DROSHA: variants seen among roughly 807,000 people sequenced by gnomAD.
DROSHA encodes the protein ribonuclease 3.
DROSHA carries 56 observed loss-of-function variants against 181.9 expected under a neutral mutation model. That is an observed-to-expected ratio of 0.31 (90% CI 0.25 to 0.38). The LOEUF is 0.38. DROSHA is among the 10% of genes least tolerant of loss of function. DROSHA has a pLI of 1.00. For synonymous variants in DROSHA, 524 were observed against 591.2 expected (o/e 0.89, Z 1.65); for missense variants, 1,218 against 1,743.5 (o/e 0.70, Z 5.37).
chr5:31,522,692 C>T (rs1740029542), intron 5 of DROSHA, among the ~76,000 whole-genome samples: 1 of 152,124 alleles, frequency 6.6e-6, no homozygotes, highest in African/African-American at 2.4e-5. Context: ...GGTAGTTCTC[C>T]AGTAGCTACA....
intron 7 of DROSHA, 87 bp downstream of exon 7, chr5:31,515,367 C>A: frequency 9.6e-7 from 1 of 1,046,154 alleles, no homozygotes; most frequent in South Asian, 1.6e-5. Context: ...CAGTGACTCC[C>A]AAATACCAGT....
intron 22 of DROSHA, 91 bp downstream of exon 22, chr5:31,449,190 C>G (rs1421255332): frequency 1.3e-6 from 2 of 1,518,912 alleles, no homozygotes; most frequent in Non-Finnish European, 1.8e-6. Context: ...GAAAGAGTCA[C>G]CCAGGGAACC....
At chr5:31,422,702 A>G in intron 29 of DROSHA, 85 bp downstream of exon 29, 4 of 1,525,192 alleles carry the variant, frequency 2.6e-6, no homozygotes, top group Non-Finnish European at 3.6e-6. Flanking sequence ...TGAAATCCCA[A>G]TTCCTTCGAA....
chr5:31,406,281 G>C (rs991086427), intron 34 of DROSHA, among the ~76,000 whole-genome samples: 1 of 152,098 alleles, frequency 6.6e-6, no homozygotes, highest in Admixed American at 6.5e-5. Context: ...GCTGAGGGGG[G>C]GTTGGGACCA....
chr5:31,401,607 A>G, intron 35 of DROSHA, 45 bp from the exon 36 acceptor site: 1 of 1,234,684 alleles, frequency 8.1e-7, no homozygotes, highest in Non-Finnish European at 1.0e-6. Flanking sequence ...ATTATATTTA[A>G]TAATCTAGTG....
chr5:31,422,871 T>C lies in DROSHA; in HGVS notation c.3335A>G (p.Glu1112Gly), dbSNP rs1742930030. The stretch of plus-strand genomic sequence containing the variant: ...ATGAGTAAAAATTACTCCAATTGCT[T>C]CTTCAAACTCAGTAAGTTTTTGTAG... ...PVLQKLTEFE[E>G]AIGVIFTHVR... Residue 1112 changes from glutamate (E) to glycine (G), a missense_variant, in exon 29 of 36, where the codon GAA (glutamate) becomes GGA (glycine). Coordinates refer to ENST00000344624, the MANE Select transcript of DROSHA (RefSeq NM_001382508.1). 6.2e-7 allele frequency: 1 copy of C among 1,613,496 alleles called. No homozygotes were observed. Among genetic ancestry groups the C allele is most frequent in the African/African-American group, 1.3e-5 (1 of 75,028 alleles).
At chr5:31,519,909 A>G (rs1377835981) in intron 6 of DROSHA, among the ~76,000 whole-genome samples, 1 of 152,194 alleles carries the variant, frequency 6.6e-6, no homozygotes, top group Admixed American at 6.5e-5. Context: ...TACTGAAAAC[A>G]TTTGCTAATA....
intron 20 of DROSHA, among the ~76,000 whole-genome samples, chr5:31,463,876 G>A (rs1748715412): frequency 6.6e-6 from 1 of 152,078 alleles, no homozygotes; most frequent in African/African-American, 2.4e-5. Flanking sequence ...TGCTTGTATG[G>A]CTGCTGGATT....
At chr5:31,476,191 C>A (rs893528651) in intron 16 of DROSHA, among the ~76,000 whole-genome samples, 21 of 152,268 alleles carry the variant, frequency 1.4e-4, no homozygotes, top group African/African-American at 4.8e-4. Flanking sequence ...GTGGCAAAAC[C>A]CTGTCTCTAT....
chr5:31,453,641 C>T (rs1747295739), intron 20 of DROSHA, among the ~76,000 whole-genome samples: 1 of 152,198 alleles, frequency 6.6e-6, no homozygotes, highest in African/African-American at 2.4e-5. Flanking sequence ...CACTTTACTT[C>T]CTTGCTTCCT....
chr5:31,493,694 T>C (rs1251092402), intron 12 of DROSHA, among the ~76,000 whole-genome samples: 1 of 152,084 alleles, frequency 6.6e-6, no homozygotes, highest in African/African-American at 2.4e-5. Flanking sequence ...CTCAGCATCA[T>C]AAAGTGGAGA....
chr5:31,435,189 CATCAA>C (rs1744646563), intron 25 of DROSHA, among the ~76,000 whole-genome samples: 1 of 152,158 alleles, frequency 6.6e-6, no homozygotes, highest in African/African-American at 2.4e-5. Context: ...GAGATGGAAA[CATCAA>C]ATCAGATCAC....
chr5:31,493,581 T>C (rs551765180), intron 12 of DROSHA, among the ~76,000 whole-genome samples: 1 of 152,362 alleles, frequency 6.6e-6, no homozygotes, highest in African/African-American at 2.4e-5. Context: ...AATCTCACAA[T>C]ACTACCAGTT....
At chr5:31,493,937 T>TGTGTG (rs1554041127) in intron 12 of DROSHA, among the ~76,000 whole-genome samples, 9,253 of 144,740 alleles carry the variant, frequency 0.064, 447 homozygotes, top group East Asian at 0.13. Context: ...TAACCCACCA[T>TGTGTG]TGTGTGTGTG....
At chr5:31,521,018 A>C in intron 6 of DROSHA, 105 bp downstream of exon 6, 2 of 1,091,006 alleles carry the variant, frequency 1.8e-6, no homozygotes, top group Non-Finnish European at 2.7e-6. Context: ...TCTTGGACAG[A>C]CTCTGAGGCC....
chr5:31,413,062 C>T (rs1741512503), intron 30 of DROSHA, among the ~76,000 whole-genome samples: 1 of 152,204 alleles, frequency 6.6e-6, no homozygotes, highest in South Asian at 2.1e-4. Context: ...TGAGCACACA[C>T]AAATGATGAT....
intron 19 of DROSHA, among the ~76,000 whole-genome samples, chr5:31,465,860 A>G (rs977484799): frequency 3.3e-5 from 5 of 152,158 alleles, no homozygotes; most frequent in African/African-American, 1.2e-4. Context: ...CCAAAAGCCA[A>G]GCAGATGCTG....
chr5:31,490,199 T>TA (rs1280887853), intron 13 of DROSHA, among the ~76,000 whole-genome samples: 4 of 148,768 alleles, frequency 2.7e-5, no homozygotes, highest in African/African-American at 9.9e-5. Context: ...TTTTTTTTTT[T>TA]AAGAGACAGG....
In DROSHA at chr5:31,443,880, T is replaced by C. The variant is rs189686587; in HGVS notation, c.2882+4667A>G. On this transcript the variant is annotated intron_variant, in intron 23 of 35. Coordinates refer to ENST00000344624, the MANE Select transcript of DROSHA (RefSeq NM_001382508.1). Reference sequence around the variant, plus strand: ...ATGGCATTCCTTCCTTTAATACTTATTTACTGAGTACCTGTTCTGTGAAAG... The same window carrying C: ...ATGGCATTCCTTCCTTTAATACTTACTTACTGAGTACCTGTTCTGTGAAAG... 2.6e-5 allele frequency among the ~76,000 whole-genome samples: 4 copies of C among 152,300 alleles called. No individual in the cohort carries two copies. In the East Asian group the frequency reaches 5.8e-4, roughly 22 times the overall value.
Sources: allele counts gnomAD v4.1 joint callset (sites outside exome capture counted in the v4.1 genomes callset), GRCh38; gene constraint gnomAD v4.1.1; transcripts MANE v1.5; gene names NCBI Gene and HGNC (gene_info 2026-07-23, HGNC 2026-07-21).